Variants in SLC26A7 observed in about 807,000 individuals in gnomAD.
SLC26A7 encodes anion exchange transporter.
A neutral mutation model predicts 82.5 loss-of-function variants in SLC26A7; 59 were observed. The ratio of observed to expected loss-of-function variants is 0.72; its 90% CI spans 0.58 to 0.89. The LOEUF (loss-of-function observed/expected upper bound fraction) is 0.89. Among genes scored for constraint, SLC26A7 ranks in the 40% least tolerant of loss-of-function variants. SLC26A7 has a pLI of 0.00. For missense variants in SLC26A7, 820 were observed against 793.0 expected, an observed-to-expected ratio of 1.03 and a Z score of -0.41; for synonymous variants, 271 against 274.3, an observed-to-expected ratio of 0.99 and a Z score of 0.12.
chr8:91,289,049 A>G (rs897040730), intron 2 of SLC26A7, 87 bp from the exon 3 acceptor site: 41 of 821,570 alleles, frequency 5.0e-5, no homozygotes, highest in Non-Finnish European at 7.8e-5. Flanking sequence ...CATTTTGTCT[A>G]TAAGTAAACC....
intron 3 of SLC26A7, among the ~76,000 whole-genome samples, chr8:91,292,522 T>C (rs1586372035): frequency 6.6e-6 from 1 of 152,182 alleles, no homozygotes; most frequent in African/African-American, 2.4e-5. Flanking sequence ...TATTAAGATA[T>C]TGATGTTACT....
chr8:91,284,775 A>T (rs1267710780), intron 2 of SLC26A7, among the ~76,000 whole-genome samples: 3 of 152,194 alleles, frequency 2.0e-5, no homozygotes, highest in African/African-American at 7.2e-5. Flanking sequence ...TACTTTTATG[A>T]TTCCTAATAC....
intron 4 of SLC26A7, 51 bp downstream of exon 4, chr8:91,295,754 G>C: frequency 1.3e-6 from 2 of 1,530,888 alleles, no homozygotes; most frequent in Non-Finnish European, 8.9e-7. Flanking sequence ...GCGGCACAGG[G>C]AAGGCAGCTG....
chr8:91,316,394 C>T (rs1812631259), intron 4 of SLC26A7, among the ~76,000 whole-genome samples: 1 of 150,730 alleles, frequency 6.6e-6, no homozygotes, highest in Non-Finnish European at 1.5e-5. Context: ...GCCATCCTTC[C>T]ACCTCAGCCT....
At chr8:91,369,709 AAG>A in intron 14 of SLC26A7, 74 bp from the exon 15 acceptor site, 1 of 1,104,454 alleles carries the variant, frequency 9.1e-7, no homozygotes, top group Middle Eastern at 2.2e-4. Context: ...TTATAAGTAA[AAG>A]AATTATGTGA....
chr8:91,225,910 C>G (rs1810232494), intron 2 of SLC26A7, among the ~76,000 whole-genome samples: 1 of 152,082 alleles, frequency 6.6e-6, no homozygotes, highest in South Asian at 2.1e-4. Context: ...AGTCCAGCTG[C>G]TCCTCCTCTG....
chr8:91,324,195 T>G (rs911200497), intron 5 of SLC26A7, among the ~76,000 whole-genome samples: 3 of 152,210 alleles, frequency 2.0e-5, no homozygotes, highest in African/African-American at 7.2e-5. Flanking sequence ...GGGCTTGATC[T>G]TATCAATACA....
At chr8:91,226,838 A>G (rs983213260) in intron 2 of SLC26A7, among the ~76,000 whole-genome samples, 8 of 152,248 alleles carry the variant, frequency 5.3e-5, no homozygotes, top group Non-Finnish European at 7.3e-5. Flanking sequence ...AGTGAGTCCT[A>G]TGGATATAAT....
At chr8:91,380,722 G>T (rs1311321665) in intron 15 of SLC26A7, among the ~76,000 whole-genome samples, 2 of 152,160 alleles carry the variant, frequency 1.3e-5, no homozygotes, top group African/African-American at 4.8e-5. Context: ...TTGGAAAACG[G>T]TTTGGCAATG....
intron 14 of SLC26A7, among the ~76,000 whole-genome samples, chr8:91,368,431 T>TTG (rs1168323242): frequency 2.0e-5 from 3 of 151,640 alleles, no homozygotes; most frequent in African/African-American, 7.3e-5. Flanking sequence ...TTTTGTTTTT[T>TTG]TTTTTGAGAC....
chr8:91,239,623 C>T (rs2130684183), intron 2 of SLC26A7, among the ~76,000 whole-genome samples: 1 of 152,054 alleles, frequency 6.6e-6, no homozygotes, highest in South Asian at 2.1e-4. Flanking sequence ...TCCCCTAATG[C>T]CTGCAGCAGG....
At chr8:91,270,722 G>T (rs1341710698) in intron 2 of SLC26A7, among the ~76,000 whole-genome samples, 1 of 152,156 alleles carries the variant, frequency 6.6e-6, no homozygotes, top group Non-Finnish European at 1.5e-5. Flanking sequence ...GGAACATTCT[G>T]AGAAATTCAA....
At chr8:91,284,598 A>C (rs1198560866) in intron 2 of SLC26A7, among the ~76,000 whole-genome samples, 1 of 152,178 alleles carries the variant, frequency 6.6e-6, no homozygotes, top group African/African-American at 2.4e-5. Flanking sequence ...TATTGCCTTG[A>C]GAATCCTGCT....
chr8:91,265,152 G>C (rs1322399018), intron 2 of SLC26A7, among the ~76,000 whole-genome samples: 2 of 151,998 alleles, frequency 1.3e-5, no homozygotes, highest in Admixed American at 1.3e-4. Flanking sequence ...TTGTCTTTCT[G>C]TGTCTGGCTT....
At chr8:91,274,168 G>A (rs1450971543) in intron 2 of SLC26A7, among the ~76,000 whole-genome samples, 1 of 152,130 alleles carries the variant, frequency 6.6e-6, no homozygotes. Flanking sequence ...CAAAGGAAAT[G>A]TTCAATAAAT....
chr8:91,246,938 A>G (rs1471103194), upstream of SLC26A7, among the ~76,000 whole-genome samples: 1 of 152,214 alleles, frequency 6.6e-6, no homozygotes, highest in African/African-American at 2.4e-5. Flanking sequence ...AGTAACTCCT[A>G]GAATACAGAG....
intron 5 of SLC26A7, among the ~76,000 whole-genome samples, chr8:91,329,234 A>ATGTGTGTG (rs3086211): frequency 2.6e-5 from 4 of 151,848 alleles, no homozygotes; most frequent in South Asian, 2.1e-4. Flanking sequence ...ATATGTAAAT[A>ATGTGTGTG]TGTGTGTGTG....
intron 15 of SLC26A7, among the ~76,000 whole-genome samples, chr8:91,384,906 T>C (rs7018423): frequency 0.052 from 7,950 of 152,256 alleles, 285 homozygotes; most frequent in African/African-American, 0.11. Flanking sequence ...AAGATATAAA[T>C]CTGCTTTTCA....
intron 15 of SLC26A7, among the ~76,000 whole-genome samples, chr8:91,388,610 G>C (rs1000349699): frequency 2.6e-5 from 4 of 152,164 alleles, no homozygotes; most frequent in Non-Finnish European, 5.9e-5. Context: ...GATTTGCTCT[G>C]AAAGCCACAT....
Sources: allele counts gnomAD v4.1 joint callset (sites outside exome capture counted in the v4.1 genomes callset), GRCh38; gene constraint gnomAD v4.1.1; transcripts MANE v1.5; gene names NCBI Gene and HGNC (gene_info 2026-07-23, HGNC 2026-07-21).